The following ACIN1 variants were observed in gnomAD, a reference collection of about 807,000 sequenced individuals.
ACIN1 encodes apoptotic chromatin condensation inducer 1.
ACIN1 carries 16 observed loss-of-function variants against 146.6 expected under a neutral mutation model. The observed-to-expected ratio is 0.11, with a 90% confidence interval of 0.07 to 0.17. ACIN1 has a LOEUF of 0.17. ACIN1 is among the 10% of genes least tolerant of loss of function. The probability of loss-of-function intolerance (pLI) is 1.00; values close to 1 mark genes in which losing one functional copy is unlikely to be tolerated. For synonymous variants in ACIN1, 569 were observed against 582.7 expected (o/e 0.98, Z 0.34); for missense variants, 1,357 against 1,609.3 (o/e 0.84, Z 2.68).
chr14:23,061,733 G>A lies in ACIN1; in HGVS notation c.3100-111C>T, dbSNP rs940415302. ...TCACGCCTGTAATCCCAGCACTTTG[G>A]GAGGCCAAGGCGGTCAGATCACGAG... On this transcript the variant is annotated intron_variant, in intron 16 of 18. Coordinates refer to ENST00000605057, the MANE Select transcript of ACIN1 (RefSeq NM_001386863.1). 4 of 961,588 alleles carry A rather than the reference G, an allele frequency of 4.2e-6. No individual in the cohort carries two copies. In the African/African-American group the frequency reaches 5.0e-5, roughly 12 times the overall value. 59.6% of individuals were successfully genotyped at this position (961,588 alleles called of 1,614,324 possible). A position where few individuals can be genotyped will look rare whatever the true frequency, so the allele number is the denominator to read the frequency against.
rs2047896851 is a variant in ACIN1 at position 23,079,833 on chromosome 14, C to G, written c.1502G>C (p.Arg501Thr). Reference sequence around the variant, plus strand: ...GCTTGGGAGAAGGGTATGAGAAGCTCTTCTGCCTTCCTTCTGTTCCAAAGA... The same window carrying G: ...GCTTGGGAGAAGGGTATGAGAAGCTGTTCTGCCTTCCTTCTGTTCCAAAGA... Reference protein sequence around the residue: ...QPSLEQKEGRRASHTLLPSHR... With the variant: ...QPSLEQKEGRTASHTLLPSHR... Residue 501 changes from arginine (R) to threonine (T), a missense_variant, in exon 6 of 19, where the codon AGA (arginine) becomes ACA (threonine). Arg to Thr is a moderately conservative substitution (Grantham distance 71). Around this residue, in one of 4 missense-constraint regions of ACIN1, gnomAD observed 771 missense variants for 746.6 expected, o/e 1.03. Transcript: ENST00000605057. The G allele has an allele frequency of 1.2e-6, 2 of 1,614,214 alleles. No homozygotes were observed. Among genetic ancestry groups the G allele is most frequent in the East Asian group, 4.5e-5 (2 of 44,886 alleles).
intron 8 of ACIN1, chr14:23,071,152 T>G (rs1450157302): frequency 6.4e-7 from 1 of 1,551,684 alleles, no homozygotes; most frequent in South Asian, 1.2e-5. Flanking sequence ...TAACATGATT[T>G]TTTTTCTCCC....
intron 16 of ACIN1, 40 bp downstream of exon 16, chr14:23,062,128 C>G: frequency 6.5e-7 from 1 of 1,527,756 alleles, no homozygotes; most frequent in Non-Finnish European, 9.1e-7. Context: ...ATAATGGCTT[C>G]CCCTGCCCCT....
chr14:23,060,889 C>T (rs1419074468), intron 18 of ACIN1, among the ~76,000 whole-genome samples, 195 bp downstream of exon 18: 1 of 152,264 alleles, frequency 6.6e-6, no homozygotes, highest in South Asian at 2.1e-4. Flanking sequence ...ATCTGCGTGT[C>T]TATCTTTACC....
chr14:23,071,965 T>C (rs888969648), intron 8 of ACIN1, among the ~76,000 whole-genome samples: 9 of 152,202 alleles, frequency 5.9e-5, no homozygotes, highest in South Asian at 2.1e-4. Context: ...GAAAGCTGGA[T>C]AGAGGGTGGG....
intron 10 of ACIN1, among the ~76,000 whole-genome samples, chr14:23,065,211 A>G (rs766222460): frequency 1.3e-5 from 2 of 152,220 alleles, no homozygotes; most frequent in Non-Finnish European, 2.9e-5. Flanking sequence ...TGTAATCTAG[A>G]GTTCCTCATT....
chr14:23,080,588 T>G lies in ACIN1; in HGVS notation c.747A>C (p.Glu249Asp). The change falls in exon 6 of 19, where the codon GAA becomes GAC. Residue 249 changes from glutamate to aspartate, a missense_variant. By Grantham distance (45) the Glu-to-Asp change is conservative. This residue lies in a region of ACIN1 where 771 missense variants were observed against 746.6 expected (regional missense o/e 1.03). Coordinates refer to ENST00000605057, the MANE Select transcript of ACIN1 (RefSeq NM_001386863.1). ...EAPILKEFKE[E>D]GEEIPRVKPE... ...GTTTTACTCTAGGTATCTCTTCCCC[T>G]TCTTCCTTAAACTCTTTCAGGATTG... 1 of 1,614,132 alleles carries G rather than the reference T, an allele frequency of 6.2e-7. No homozygotes were observed. The highest frequency in any genetic ancestry group is 8.5e-7 in the Non-Finnish European group (1 of 1,180,014).
rs760432041 is a variant in ACIN1 at position 23,080,373 on chromosome 14, C to G, written c.962G>C (p.Gly321Ala). Residue 321 changes from glycine (G) to alanine (A), a missense_variant, in exon 6 of 19, where the codon GGC becomes GCC. Transcript: ENST00000605057. ...EEEREIKSSQGLKEKSKSPSP... is the reference protein window; with the variant it reads ...EEEREIKSSQALKEKSKSPSP... ...AGGAGACTTCGATTTTTCCTTTAAGCCTTGTGAAGATTTTATTTCTCTTTC... is the reference window on the plus strand; with the variant it reads ...AGGAGACTTCGATTTTTCCTTTAAGGCTTGTGAAGATTTTATTTCTCTTTC... 18 of 1,614,046 alleles carry G rather than the reference C, an allele frequency of 1.1e-5. No individual in the cohort carries two copies. Among genetic ancestry groups the G allele is most frequent in the Non-Finnish European group, 1.4e-5 (17 of 1,180,040 alleles).
chr14:23,067,403 C>T lies in ACIN1; in HGVS notation c.2266-1395G>A. The stretch of plus-strand genomic sequence containing the variant: ...ATCAGAATGAGCCCTCCCTGCTAGG[C>T]GCTGTGCAATTGGTGGGGGGTTGGG... On this transcript the variant is annotated intron_variant, in intron 9 of 18. Coordinates refer to ENST00000605057, the MANE Select transcript of ACIN1 (RefSeq NM_001386863.1). The surrounding 1 kb of genome is among the most constrained non-coding windows in gnomAD (Gnocchi z 4.6). 2.0e-6 allele frequency: 2 copies of T among 984,312 alleles called. No individual in the cohort carries two copies. The highest frequency in any genetic ancestry group is 1.2e-6 in the Non-Finnish European group (1 of 829,696). 61.0% of individuals were successfully genotyped at this position (984,312 alleles called of 1,614,324 possible). A position where few individuals can be genotyped will look rare whatever the true frequency, so the allele number is the denominator to read the frequency against.
chr14:23,079,679 C>T lies in ACIN1; in HGVS notation c.1656G>A (p.Lys552=), dbSNP rs2047892932. The T allele has an allele frequency of 3.1e-6, 5 of 1,613,996 alleles. No homozygotes were observed. Among genetic ancestry groups the T allele is most frequent in the Non-Finnish European group, 3.4e-6 (4 of 1,180,036 alleles). The change falls in exon 6 of 19, where the codon AAG becomes AAA. Residue 552 remains lysine, a synonymous_variant. Transcript: ENST00000605057. The part of the protein sequence containing the change: ...GSRSHSPLRS[K]QRDVAQARTH... ...TACGTGCCTGGGCTACATCTCTCTG[C>T]TTGGATCTGAGCGGTGAATGAGACC... is the stretch of plus-strand genomic sequence containing the variant.
chr14:23,070,914 A>G (rs1444689953), intron 8 of ACIN1, among the ~76,000 whole-genome samples: 2 of 152,162 alleles, frequency 1.3e-5, no homozygotes, highest in Admixed American at 6.5e-5. Flanking sequence ...ACATCTAGAG[A>G]AAAGGCTTAT....
chr14:23,064,905 A>AAAAAAAAAAG (rs1033491124), intron 10 of ACIN1, among the ~76,000 whole-genome samples: 2 of 151,870 alleles, frequency 1.3e-5, no homozygotes, highest in African/African-American at 4.8e-5. Flanking sequence ...TCAAAAAAAA[A>AAAAAAAAAAG]AAAAGAAAAG....
chr14:23,079,915 T>G lies in ACIN1; in HGVS notation c.1420A>C (p.Lys474Gln). The change falls in exon 6 of 19, where the codon AAA becomes CAA. Residue 474 changes from lysine (K) to glutamine (Q), a missense_variant. This residue lies in a region of ACIN1 where 771 missense variants were observed against 746.6 expected (regional missense o/e 1.03). Coordinates refer to ENST00000605057, the MANE Select transcript of ACIN1 (RefSeq NM_001386863.1). The part of the protein sequence containing the change: ...SDRSAQPLPL[K>Q]IEELALAKGI... ...TTGGCCAGTGCTAATTCCTCAATTT[T>G]TAGAGGGAGGGGCTGAGCAGATCTG... The G allele has an allele frequency of 1.2e-6, 2 of 1,614,198 alleles. No homozygotes were observed. Among genetic ancestry groups the G allele is most frequent in the Non-Finnish European group, 1.7e-6 (2 of 1,180,042 alleles).
chr14:23,063,770 A>G (rs77740357), intron 12 of ACIN1, among the ~76,000 whole-genome samples, 193 bp from the exon 13 acceptor site: 13,730 of 152,284 alleles, frequency 0.09, 662 homozygotes, highest in South Asian at 0.15. Context: ...GAAAACTAAG[A>G]CAGGAGTTAG....
rs78949159 is a variant in ACIN1, at chr14:23,071,249, A to C, written c.2124-1632T>G. ...ATCCTAAAAAAAATAAAGAAAAAAA[A>C]CCACACCTTCCTTGTTCCAAGATCC... On this transcript the variant is annotated intron_variant, in intron 8 of 18. Coordinates refer to ENST00000605057, the MANE Select transcript of ACIN1 (RefSeq NM_001386863.1). 1.8e-4 allele frequency: 268 copies of C among 1,516,492 alleles called. No individual in the cohort carries two copies. In the East Asian group the frequency reaches 2.8e-3, roughly 16 times the overall value. 93.9% of individuals were successfully genotyped at this position (1,516,492 alleles called of 1,614,324 possible).
At chr14:23,081,078 A>G (rs2047933023) in intron 5 of ACIN1, among the ~76,000 whole-genome samples, 1 of 151,922 alleles carries the variant, frequency 6.6e-6, no homozygotes, top group Admixed American at 6.5e-5. Context: ...TTTCAGTAAA[A>G]TATTAGCAGA....
chr14:23,092,320 A>G (rs557716542), intron 2 of ACIN1, among the ~76,000 whole-genome samples: 367 of 152,344 alleles, frequency 2.4e-3, no homozygotes, highest in Non-Finnish European at 3.7e-3. Flanking sequence ...CTCAATGGAC[A>G]TTGTTGAAGG....
At chr14:23,095,413 A>G, upstream of ACIN1, 1 of 1,240,388 alleles carries the variant, frequency 8.1e-7, no homozygotes, top group Non-Finnish European at 1.1e-6. Context: ...ACCCTGGTAT[A>G]ACCATAATCG....
intron 12 of ACIN1, 35 bp downstream of exon 12, chr14:23,064,070 A>G: frequency 1.2e-6 from 2 of 1,612,150 alleles, no homozygotes; most frequent in East Asian, 2.2e-5. Context: ...TACTGCTCCC[A>G]CCTTTCCCCT....
Sources: allele counts gnomAD v4.1 joint callset (sites outside exome capture counted in the v4.1 genomes callset), GRCh38; gene constraint gnomAD v4.1.1; regional missense constraint gnomAD v4.1.1; non-coding constraint Gnocchi (gnomAD v3.1); transcripts MANE v1.5; gene names NCBI Gene and HGNC (gene_info 2026-07-23, HGNC 2026-07-21).